Variants in PTPRM observed in about 807,000 individuals in gnomAD.
PTPRM encodes receptor-type tyrosine-protein phosphatase mu.
Under a neutral mutation model 186.7 loss-of-function variants are expected in PTPRM, and 47 were observed. The observed-to-expected ratio is 0.25, with a 90% confidence interval of 0.20 to 0.32. The LOEUF (loss-of-function observed/expected upper bound fraction) is 0.32, where lower values mean the gene tolerates loss of function less well. Ranked by LOEUF, PTPRM falls within the 10% of genes least tolerant of loss-of-function variation. The pLI is 1.00. For synonymous variants in PTPRM, 668 were observed against 674.9 expected (o/e 0.99, Z 0.16); for missense variants, 1,494 against 1,865.0 (o/e 0.80, Z 3.66).
intron 14 of PTPRM, among the ~76,000 whole-genome samples, chr18:8,164,821 A>G (rs960105141): frequency 6.6e-6 from 1 of 152,200 alleles, no homozygotes. Flanking sequence ...TGAATTATAC[A>G]CTTAAAAATA....
intron 11 of PTPRM, among the ~76,000 whole-genome samples, chr18:8,102,542 C>T (rs1004844681): frequency 2.6e-5 from 4 of 152,088 alleles, no homozygotes; most frequent in Admixed American, 2.6e-4. Flanking sequence ...CCATAGGAAG[C>T]AACTGCTCAT....
chr18:7,808,789 T>C (rs930648071), intron 2 of PTPRM, among the ~76,000 whole-genome samples: 2 of 152,208 alleles, frequency 1.3e-5, no homozygotes, highest in South Asian at 4.1e-4. Flanking sequence ...ATAGAGAACA[T>C]TTTATTAGCT....
intron 3 of PTPRM, among the ~76,000 whole-genome samples, chr18:7,896,328 A>G (rs2049354678): frequency 6.6e-6 from 1 of 152,104 alleles, no homozygotes; most frequent in African/African-American, 2.4e-5. Context: ...TCCCACCCCT[A>G]CACCCTGAGG....
chr18:7,666,397 A>G (rs1235582646), intron 1 of PTPRM, among the ~76,000 whole-genome samples: 1 of 152,184 alleles, frequency 6.6e-6, no homozygotes, highest in African/African-American at 2.4e-5. Context: ...CCCGCCTTTC[A>G]CTGTAACTGA....
chr18:8,330,655 A>ATT (rs374567697), intron 22 of PTPRM, among the ~76,000 whole-genome samples: 1 of 139,474 alleles, frequency 7.2e-6, no homozygotes, highest in Non-Finnish European at 1.6e-5. Context: ...GCTGCCGTTC[A>ATT]TTTTTTTTTT....
intron 7 of PTPRM, among the ~76,000 whole-genome samples, chr18:7,974,184 A>C (rs529622504): frequency 4.6e-5 from 7 of 152,184 alleles, no homozygotes; most frequent in Non-Finnish European, 8.8e-5. Context: ...ACTGAGTCAC[A>C]GCTCATTTTG....
At chr18:8,371,574 C>T (rs138232265) in intron 24 of PTPRM, among the ~76,000 whole-genome samples, 9 of 152,184 alleles carry the variant, frequency 5.9e-5, no homozygotes, top group African/African-American at 9.7e-5. Flanking sequence ...CATGAACCAG[C>T]GCATTCATTC....
intron 2 of PTPRM, among the ~76,000 whole-genome samples, chr18:7,785,877 A>G (rs1363395658): frequency 6.6e-6 from 1 of 152,246 alleles, no homozygotes; most frequent in Admixed American, 6.5e-5. Context: ...TTTATGCCTC[A>G]GTGGGTGTCT....
At chr18:8,061,499 T>C (rs1255538542) in intron 7 of PTPRM, among the ~76,000 whole-genome samples, 1 of 92,476 alleles carries the variant, frequency 1.1e-5, no homozygotes, top group Non-Finnish European at 2.3e-5. Context: ...ATCCTGTCAT[T>C]ATGATGTTAG....
intron 1 of PTPRM, among the ~76,000 whole-genome samples, chr18:7,606,862 A>G (rs2037542484): frequency 6.6e-6 from 1 of 152,128 alleles, no homozygotes; most frequent in African/African-American, 2.4e-5. Flanking sequence ...TGTTACTTTC[A>G]GGTCCCTGAA....
chr18:7,766,085 C>A (rs1483420544), intron 1 of PTPRM, among the ~76,000 whole-genome samples: 2 of 152,118 alleles, frequency 1.3e-5, no homozygotes, highest in South Asian at 2.1e-4. Context: ...CTGAACAGTT[C>A]GTATATAAGC....
chr18:7,687,239 T>A (rs565340280), intron 1 of PTPRM, among the ~76,000 whole-genome samples: 2 of 152,156 alleles, frequency 1.3e-5, no homozygotes, highest in Non-Finnish European at 2.9e-5. Context: ...ACTTAAAATA[T>A]GAGATTTCTA....
intron 29 of PTPRM, among the ~76,000 whole-genome samples, chr18:8,383,919 G>A (rs1322929840): frequency 1.3e-5 from 2 of 152,128 alleles, no homozygotes; most frequent in Admixed American, 6.5e-5. Context: ...CTCTCCCCGG[G>A]GCCTGATGAG....
At chr18:7,751,723 G>C (rs1276733771) in intron 1 of PTPRM, among the ~76,000 whole-genome samples, 1 of 152,124 alleles carries the variant, frequency 6.6e-6, no homozygotes, top group African/African-American at 2.4e-5. Flanking sequence ...CATCTTTTCG[G>C]TGTGACCTGC....
chr18:8,338,406 T>A (rs1396223877), intron 22 of PTPRM, among the ~76,000 whole-genome samples: 1 of 150,268 alleles, frequency 6.7e-6, no homozygotes, highest in East Asian at 1.9e-4. Context: ...GTGGTTTCAG[T>A]GTGGTTAATA....
chr18:7,828,407 TC>T (rs1386681063), intron 2 of PTPRM, among the ~76,000 whole-genome samples: 1 of 151,532 alleles, frequency 6.6e-6, no homozygotes, highest in Non-Finnish European at 1.5e-5. Context: ...CCTCCCCGCT[TC>T]CCCCCACCCC....
chr18:7,982,393 C>T (rs1295261339), intron 7 of PTPRM, among the ~76,000 whole-genome samples: 2 of 151,754 alleles, frequency 1.3e-5, no homozygotes, highest in African/African-American at 4.8e-5. Context: ...GGCCCCACCT[C>T]CACATCCTCT....
chr18:7,907,752 A>ATG (rs112103046), intron 4 of PTPRM, among the ~76,000 whole-genome samples: 4,274 of 149,714 alleles, frequency 0.029, 196 homozygotes, highest in African/African-American at 0.098. Context: ...AACACCGCAA[A>ATG]TGTGTGTGTG....
At chr18:8,302,847 C>G (rs2095174905) in intron 20 of PTPRM, among the ~76,000 whole-genome samples, 1 of 151,916 alleles carries the variant, frequency 6.6e-6, no homozygotes, top group Non-Finnish European at 1.5e-5. Flanking sequence ...GGAAGGGAAC[C>G]AGCTGTGGAG....
Sources: allele counts gnomAD v4.1 joint callset (sites outside exome capture counted in the v4.1 genomes callset), GRCh38; gene constraint gnomAD v4.1.1; transcripts MANE v1.5; gene names NCBI Gene and HGNC (gene_info 2026-07-23, HGNC 2026-07-21).